Variants in SLC38A10 observed in about 807,000 individuals in gnomAD.
The protein encoded by SLC38A10 is Sodium-coupled neutral amino acid transporter 10.
A neutral mutation model predicts 81.0 loss-of-function variants in SLC38A10; 53 were observed. The observed-to-expected ratio is 0.65, with a 90% CI of 0.53 to 0.82. The LOEUF (loss-of-function observed/expected upper bound fraction) is 0.82, where lower values mean the gene tolerates loss of function less well. Among genes scored for constraint, SLC38A10 ranks in the 40% least tolerant of loss-of-function variants. The probability of loss-of-function intolerance (pLI) is 0.00; values close to 1 mark genes in which losing one functional copy is unlikely to be tolerated. For missense variants in SLC38A10, 1,471 were observed against 1,545.0 expected, an observed-to-expected ratio of 0.95 and a Z score of 0.80; for synonymous variants, 665 against 655.3, an observed-to-expected ratio of 1.01 and a Z score of -0.23.
rs747992770 is a variant in SLC38A10, at chr17:81,275,731, C to CAA, written c.912+236_912+237dup. 1.8e-5 allele frequency among the ~76,000 whole-genome samples: 2 copies of CAA among 108,228 alleles called. 1 individual carries two copies. 71.0% of individuals were successfully genotyped at this position (108,228 alleles called of 152,430 possible). A position where few individuals can be genotyped will look rare whatever the true frequency, so the allele number is the denominator to read the frequency against. On this transcript the variant is annotated intron_variant, in intron 8 of 15. Transcript: ENST00000374759. ...TGGGCGACAGAGCGAAACTCCGTCTCAAAAAAAAAGAGAACTGTGCAGTGA... is the reference window on the plus strand; with the variant it reads ...TGGGCGACAGAGCGAAACTCCGTCTCAAAAAAAAAAAGAGAACTGTGCAGTGA...
chr17:81,259,237 C>A (rs1285496324), intron 11 of SLC38A10, among the ~76,000 whole-genome samples: 1 of 152,214 alleles, frequency 6.6e-6, no homozygotes, highest in East Asian at 1.9e-4. Flanking sequence ...CACTGGCCAG[C>A]ACCTCCATAG....
intron 10 of SLC38A10, among the ~76,000 whole-genome samples, chr17:81,269,222 A>G (rs1277372234): frequency 6.6e-6 from 1 of 152,240 alleles, no homozygotes; most frequent in East Asian, 1.9e-4. Context: ...TGATTAAAAA[A>G]TCCATAAGGG....
At chr17:81,257,189 G>A (rs12949142) in intron 11 of SLC38A10, among the ~76,000 whole-genome samples, 1,874 of 152,152 alleles carry the variant, frequency 0.012, 19 homozygotes, top group Middle Eastern at 0.017. Flanking sequence ...GTGCCATCTC[G>A]GCTCACTGCA....
intron 8 of SLC38A10, among the ~76,000 whole-genome samples, chr17:81,274,697 T>C (rs1244861405): frequency 6.6e-6 from 1 of 152,084 alleles, no homozygotes; most frequent in Non-Finnish European, 1.5e-5. Flanking sequence ...GGGCCTTTCA[T>C]GGTTCACTCT....
At position 81,281,007 on chromosome 17, in the gene SLC38A10, T is replaced by C. The variant is rs1483169623; in HGVS notation, c.502-274A>G. Among the ~76,000 whole-genome samples the C allele has an allele frequency of 6.6e-6, 1 of 152,202 alleles. No individual in the cohort carries two copies. Among genetic ancestry groups the C allele is most frequent in the East Asian group, 1.9e-4 (1 of 5,184 alleles). ...GCAGCTGCTCTTGCAAGGGGGCTGC[T>C]TGGCGCAGACGGGAGGAGACCACTG... On this transcript the variant is annotated intron_variant, in intron 5 of 15. Coordinates refer to ENST00000374759, the MANE Select transcript of SLC38A10 (RefSeq NM_001037984.3). The surrounding 1 kb of genome is among the most constrained non-coding windows in gnomAD (Gnocchi z 5.3).
chr17:81,276,113 C>T lies in SLC38A10; in HGVS notation c.768G>A (p.Thr256=), dbSNP rs781089604. The T allele has an allele frequency of 7.4e-6, 12 of 1,613,444 alleles. No individual in the cohort carries two copies. Among genetic ancestry groups the T allele is most frequent in the Admixed American group, 3.3e-5 (2 of 59,980 alleles). Residue 256 remains threonine, a synonymous_variant, in exon 8 of 16, where the codon ACG becomes ACA. Transcript: ENST00000374759. The surrounding 1 kb of genome is among the most constrained non-coding windows in gnomAD (Gnocchi z 4.7). ...FFGYVSFTEA[T]AGNVLMHFPS... ...GAAAGTGCATGAGCACGTTGCCGGC[C>T]GTGGCCTCGGTGAAGCTGACGTAGC...
chr17:81,265,954 T>C lies in SLC38A10; in HGVS notation c.1131+4964A>G, dbSNP rs2063066738. 6.6e-6 allele frequency among the ~76,000 whole-genome samples: 1 copy of C among 152,218 alleles called. No homozygotes were observed. ...CTGCGGTGAATGTGATTCAGTGCGC[T>C]TTCTAGCTTCCAAAAGACATGGCAA... On this transcript the variant is annotated intron_variant, in intron 10 of 15. Coordinates refer to ENST00000374759, the MANE Select transcript of SLC38A10 (RefSeq NM_001037984.3). The surrounding 1 kb of genome is among the most constrained non-coding windows in gnomAD (Gnocchi z 4.2).
chr17:81,281,662 G>C lies in SLC38A10; in HGVS notation c.501+527C>G, dbSNP rs183373617. ...GTGGTGGCGGGCACCTGTAATCCCCGCTACTTGGGAGGCTGAGGCAGGAGA... is the reference window on the plus strand; with the variant it reads ...GTGGTGGCGGGCACCTGTAATCCCCCCTACTTGGGAGGCTGAGGCAGGAGA... On this transcript the variant is annotated intron_variant, in intron 5 of 15. Transcript: ENST00000374759. The surrounding 1 kb of genome is among the most constrained non-coding windows in gnomAD (Gnocchi z 5.3). Among the ~76,000 whole-genome samples the C allele has an allele frequency of 3.9e-5, 6 of 152,090 alleles. No individual in the cohort carries two copies. In the South Asian group the frequency reaches 1.2e-3, roughly 32 times the overall value.
rs2062938336 is a variant in SLC38A10, at chr17:81,253,368, A to G, written c.1289-128T>C. On this transcript the variant is annotated intron_variant, in intron 11 of 15. Transcript: ENST00000374759. This position sits in a 1 kb window ranked among gnomAD's most constrained non-coding sequence, Gnocchi z 4.1. ...CAAAGCAGTTTCTTTTTCCTGTTCG[A>G]TCATTAGCAGCTAAGTAGCACAGAA... is the stretch of plus-strand genomic sequence containing the variant. 4 of 1,140,488 alleles carry G rather than the reference A, an allele frequency of 3.5e-6. No homozygotes were observed. In the African/African-American group the frequency reaches 4.7e-5, roughly 13 times the overall value. The allele number at this position is 1,140,488 out of a possible 1,614,324, so 70.6% of individuals were successfully genotyped here.
At chr17:81,251,354 G>C (rs756388700) in intron 14 of SLC38A10, 139 bp downstream of exon 14, 2 of 1,612,902 alleles carry the variant, frequency 1.2e-6, no homozygotes, top group South Asian at 1.1e-5. Context: ...TCTCCGAGGG[G>C]TCTGCTCAGC....
Position 81,265,301 on chromosome 17 carries a change from T to TCGGGAGGC in SLC38A10, c.1132-4908_1132-4907insGCCTCCCG, listed in dbSNP as rs2063060278. The stretch of plus-strand genomic sequence containing the variant: ...CGGGAGGCTGAGGCTGGACAATCAC[T>TCGGGAGGC]TGAACCCAGGAGGCGGAGCTTGCAG... On this transcript the variant is annotated intron_variant, in intron 10 of 15. Coordinates refer to ENST00000374759, the MANE Select transcript of SLC38A10 (RefSeq NM_001037984.3). The surrounding 1 kb of genome is among the most constrained non-coding windows in gnomAD (Gnocchi z 4.2). 1 of 152,290 alleles carries TCGGGAGGC rather than the reference T, an allele frequency of 6.6e-6. No individual in the cohort carries two copies. The highest frequency in any genetic ancestry group is 1.9e-4 in the East Asian group (1 of 5,166). 9.4% of individuals were successfully genotyped at this position (152,290 alleles called of 1,614,324 possible).
chr17:81,276,375 T>C lies in SLC38A10; in HGVS notation c.730-224A>G, dbSNP rs1400692951. Among the ~76,000 whole-genome samples the C allele has an allele frequency of 6.6e-6, 1 of 151,492 alleles. No homozygotes were observed. Among genetic ancestry groups the C allele is most frequent in the African/African-American group, 2.4e-5 (1 of 41,018 alleles). On this transcript the variant is annotated intron_variant, in intron 7 of 15. Coordinates refer to ENST00000374759, the MANE Select transcript of SLC38A10 (RefSeq NM_001037984.3). This position sits in a 1 kb window ranked among gnomAD's most constrained non-coding sequence, Gnocchi z 4.7. ...GTTTCTGTAAGAACATGCCCATTTC[T>C]TTCTTTTTCTTTCTTTTTTTTTTTT... is the stretch of plus-strand genomic sequence containing the variant.
At chr17:81,254,075 C>T (rs534016348) in intron 11 of SLC38A10, among the ~76,000 whole-genome samples, 2 of 151,732 alleles carry the variant, frequency 1.3e-5, no homozygotes, top group South Asian at 2.1e-4. Flanking sequence ...TCGTCACCTC[C>T]GTCACCACCA....
chr17:81,294,746 T>G, intron 1 of SLC38A10, 77 bp downstream of exon 1: 1 of 1,375,030 alleles, frequency 7.3e-7, no homozygotes, highest in South Asian at 1.5e-5. Context: ...GGCGGGAACT[T>G]TAACCAGGAC....
rs1417923948 is a variant in SLC38A10 at position 81,288,490 on chromosome 17, A to G, written c.217+1201T>C. On this transcript the variant is annotated intron_variant, in intron 2 of 15. Coordinates refer to ENST00000374759, the MANE Select transcript of SLC38A10 (RefSeq NM_001037984.3). This position sits in a 1 kb window ranked among gnomAD's most constrained non-coding sequence, Gnocchi z 5.4. ...AACACCCAGGCTGGATGCCCCCAGA[A>G]TGGAACGTGGAGCCGAGAGGTGCCG... 2.0e-5 allele frequency among the ~76,000 whole-genome samples: 3 copies of G among 152,160 alleles called. No individual in the cohort carries two copies. Among genetic ancestry groups the G allele is most frequent in the Non-Finnish European group, 2.9e-5 (2 of 68,002 alleles).
intron 6 of SLC38A10, among the ~76,000 whole-genome samples, chr17:81,279,024 C>A (rs137951787): frequency 6.6e-6 from 1 of 152,238 alleles, no homozygotes; most frequent in South Asian, 2.1e-4. Context: ...ACATGCTGAG[C>A]GCTGGCCCAT....
Position 81,276,140 on chromosome 17 carries a change from G to A in SLC38A10, c.741C>T (p.Phe247=), listed in dbSNP as rs566401432. Residue 247 remains phenylalanine, a synonymous_variant, in exon 8 of 16, where the codon TTC becomes TTT. Transcript: ENST00000374759. This position sits in a 1 kb window ranked among gnomAD's most constrained non-coding sequence, Gnocchi z 4.7. The stretch of plus-strand genomic sequence containing the variant: ...TGGCCTCGGTGAAGCTGACGTAGCC[G>A]AAAAACCCCACCTGTTGGAGAATAA... ...VTTFYVMVGF[F]GYVSFTEATA... 23 of 1,610,782 alleles carry A rather than the reference G, an allele frequency of 1.4e-5. No homozygotes were observed. In the East Asian group the frequency reaches 2.0e-4, roughly 14 times the overall value.
Position 81,245,641 on chromosome 17 carries a change from T to A in SLC38A10, c.3275A>T (p.Gln1092Leu), listed in dbSNP as rs771075212. The A allele has an allele frequency of 6.2e-7, 1 of 1,612,280 alleles. No individual in the cohort carries two copies. The highest frequency in any genetic ancestry group is 1.1e-5 in the South Asian group (1 of 91,026). The part of the protein sequence containing the change: ...VNDLRGALDA[Q>L]LRQAAGGALQ... ...AGCTCCCCCCGCAGCCTGGCGGAGC[T>A]GGGCATCCAGGGCGCCACGGAGGTC... is the stretch of plus-strand genomic sequence containing the variant. Residue 1092 changes from glutamine to leucine, a missense_variant, in exon 16 of 16, where the codon CAG becomes CTG. Around this residue, in one of 2 missense-constraint regions of SLC38A10, gnomAD observed 751 missense variants for 717.4 expected, o/e 1.05. Coordinates refer to ENST00000374759, the MANE Select transcript of SLC38A10 (RefSeq NM_001037984.3).
chr17:81,292,758 A>G (rs1346436869), intron 1 of SLC38A10, among the ~76,000 whole-genome samples: 3 of 152,216 alleles, frequency 2.0e-5, no homozygotes, highest in African/African-American at 7.2e-5. Context: ...GGCTCGAGAT[A>G]GCTGGATCGT....
Sources: gnomAD v4.1 joint callset for allele counts (sites outside exome capture counted in the v4.1 genomes callset) on GRCh38, gnomAD v4.1.1 for gene constraint, gnomAD v4.1.1 regional missense constraint, Gnocchi (gnomAD v3.1) non-coding constraint, MANE v1.5 for transcripts, NCBI Gene and HGNC (gene_info 2026-07-23, HGNC 2026-07-21) for gene names.